The following KCTD16 variants were observed in gnomAD, a reference collection of about 807,000 sequenced individuals.
KCTD16 encodes the protein BTB/POZ domain-containing protein KCTD16.
A neutral mutation model predicts 33.2 loss-of-function variants in KCTD16; 13 were observed. That is an observed-to-expected ratio of 0.39 (90% CI 0.25 to 0.62). The LOEUF (loss-of-function observed/expected upper bound fraction) is 0.62. Among genes scored for constraint, KCTD16 ranks in the 20% least tolerant of loss-of-function variants. The pLI is 0.50. For missense variants in KCTD16, 441 were observed against 525.1 expected (o/e 0.84, Z 1.57); for synonymous variants, 197 against 195.3 (o/e 1.01, Z -0.07).
chr5:144,195,015 TCC>T (rs1445887794), intron 2 of KCTD16, among the ~76,000 whole-genome samples: 1 of 152,220 alleles, frequency 6.6e-6, no homozygotes, highest in African/African-American at 2.4e-5. Context: ...TTATTAGATT[TCC>T]TTTGTGTCAC....
intron 3 of KCTD16, among the ~76,000 whole-genome samples, chr5:144,219,330 C>G (rs1412396340): frequency 6.6e-6 from 1 of 151,998 alleles, no homozygotes; most frequent in African/African-American, 2.4e-5. Flanking sequence ...TCTCCTGCCT[C>G]AGCCTCCCGT....
intron 3 of KCTD16, among the ~76,000 whole-genome samples, chr5:144,437,660 G>T (rs1012213353): frequency 6.6e-6 from 1 of 152,108 alleles, no homozygotes; most frequent in African/African-American, 2.4e-5. Flanking sequence ...AACATGTACA[G>T]GTAGTAACTA....
chr5:144,308,521 C>T (rs1163342611), intron 3 of KCTD16, among the ~76,000 whole-genome samples: 1 of 152,170 alleles, frequency 6.6e-6, no homozygotes, highest in Non-Finnish European at 1.5e-5. Context: ...GCTGACATTA[C>T]CTCAACAGGA....
intron 2 of KCTD16, among the ~76,000 whole-genome samples, chr5:144,179,070 C>T (rs1211824042): frequency 6.6e-6 from 1 of 152,150 alleles, no homozygotes; most frequent in African/African-American, 2.4e-5. Context: ...GAATTCATTC[C>T]CCACTCTTTG....
Position 144,474,696 on chromosome 5 carries a change from C to T in KCTD16, c.*582C>T. 6.5e-6 allele frequency: 1 copy of T among 153,200 alleles called. No individual in the cohort carries two copies. The highest frequency in any genetic ancestry group is 1.5e-5 in the Non-Finnish European group (1 of 68,446). 9.5% of individuals were successfully genotyped at this position (153,200 alleles called of 1,614,324 possible). ...GTATATACACATGACGCACACGATG[C>T]CAGGGCCTAGACCTCCCAAGGGCTG... On this transcript the variant is annotated 3_prime_UTR_variant, in exon 4 of 4. Transcript: ENST00000512467.
intron 3 of KCTD16, among the ~76,000 whole-genome samples, chr5:144,299,108 A>AC (rs1756147670): frequency 6.7e-4 from 7 of 10,510 alleles, no homozygotes; most frequent in Middle Eastern, 0.031. Flanking sequence ...ATATATATAT[A>AC]TATATATATA....
At position 144,318,561 on chromosome 5, in the gene KCTD16, T is replaced by A. The variant is rs780561077; in HGVS notation, c.832+111015T>A. ...ACTTTGCTACTTGCAGATTCATTAATGAAAAGCCTGAGATCTCCCATCAGT... is the reference window on the plus strand; with the variant it reads ...ACTTTGCTACTTGCAGATTCATTAAAGAAAAGCCTGAGATCTCCCATCAGT... On this transcript the variant is annotated intron_variant, in intron 3 of 3. Transcript: ENST00000512467. Among the ~76,000 whole-genome samples, 54 of 152,220 alleles carry A rather than the reference T, an allele frequency of 3.5e-4. 1 individual carries two copies. The highest frequency in any genetic ancestry group is 1.3e-4 in the Admixed American group (2 of 15,278).
At chr5:144,284,301 G>A (rs1318679724) in intron 3 of KCTD16, among the ~76,000 whole-genome samples, 1 of 152,148 alleles carries the variant, frequency 6.6e-6, no homozygotes, top group Non-Finnish European at 1.5e-5. Flanking sequence ...TTGAGGTCCT[G>A]CAGGCATAGG....
intron 3 of KCTD16, among the ~76,000 whole-genome samples, chr5:144,387,861 C>A (rs73795527): frequency 0.03 from 4,508 of 152,090 alleles, 107 homozygotes; most frequent in African/African-American, 0.056. Context: ...TTTTTTAGAG[C>A]CCCTTCCCCC....
chr5:144,261,460 G>A (rs1049634054), intron 3 of KCTD16, among the ~76,000 whole-genome samples: 2 of 152,162 alleles, frequency 1.3e-5, no homozygotes, highest in Admixed American at 6.5e-5. Context: ...GAATTTGACC[G>A]AGCATATTAC....
intron 3 of KCTD16, among the ~76,000 whole-genome samples, chr5:144,425,828 C>G (rs564739337): frequency 1.3e-5 from 2 of 152,168 alleles, no homozygotes; most frequent in East Asian, 3.9e-4. Context: ...TCCTAGAGCT[C>G]TGGACCTGTT....
At chr5:144,317,061 C>G (rs1163762171) in intron 3 of KCTD16, among the ~76,000 whole-genome samples, 1 of 149,504 alleles carries the variant, frequency 6.7e-6, no homozygotes, top group Non-Finnish European at 1.5e-5. Flanking sequence ...CTCTTGAACT[C>G]GTGATCTGCC....
At chr5:144,310,737 T>C (rs1287310853) in intron 3 of KCTD16, among the ~76,000 whole-genome samples, 2 of 152,284 alleles carry the variant, frequency 1.3e-5, no homozygotes, top group African/African-American at 4.8e-5. Context: ...CACTATTTTT[T>C]TTCTGCTTCT....
At chr5:144,433,460 C>T (rs1399043839) in intron 3 of KCTD16, among the ~76,000 whole-genome samples, 1 of 152,086 alleles carries the variant, frequency 6.6e-6, no homozygotes, top group Non-Finnish European at 1.5e-5. Context: ...TCAAGAAAAA[C>T]TGTAACTCTA....
intron 3 of KCTD16, among the ~76,000 whole-genome samples, chr5:144,332,210 G>A (rs1752379025): frequency 6.6e-6 from 1 of 152,178 alleles, no homozygotes; most frequent in Non-Finnish European, 1.5e-5. Flanking sequence ...TTGGAAGTTA[G>A]AAAGTAGATG....
At chr5:144,385,021 G>A (rs1414626698) in intron 3 of KCTD16, among the ~76,000 whole-genome samples, 1 of 152,114 alleles carries the variant, frequency 6.6e-6, no homozygotes, top group African/African-American at 2.4e-5. Context: ...CAAATAAGTG[G>A]GACATTATGG....
At chr5:144,317,468 A>C (rs1014436494) in intron 3 of KCTD16, among the ~76,000 whole-genome samples, 2 of 152,226 alleles carry the variant, frequency 1.3e-5, no homozygotes, top group Non-Finnish European at 2.9e-5. Context: ...TGGAATCAGC[A>C]TACTAGTGTA....
At chr5:144,379,284 G>A (rs967437379) in intron 3 of KCTD16, among the ~76,000 whole-genome samples, 4 of 152,146 alleles carry the variant, frequency 2.6e-5, no homozygotes, top group Non-Finnish European at 5.9e-5. Flanking sequence ...TATTTAGGCT[G>A]TGTTTACACA....
intron 3 of KCTD16, among the ~76,000 whole-genome samples, chr5:144,471,873 G>T (rs1244469953): frequency 6.6e-6 from 1 of 152,188 alleles, no homozygotes; most frequent in Non-Finnish European, 1.5e-5. Context: ...ACTTGAAAGA[G>T]TGGGTATAAT....
Sources: allele counts gnomAD v4.1 joint callset (sites outside exome capture counted in the v4.1 genomes callset), GRCh38; gene constraint gnomAD v4.1.1; transcripts MANE v1.5; gene names NCBI Gene and HGNC (gene_info 2026-07-23, HGNC 2026-07-21).